TSPAN9: variants seen among roughly 807,000 people sequenced by gnomAD.
TSPAN9 encodes tetraspanin 9.
TSPAN9 carries 16 observed loss-of-function variants against 31.0 expected under a neutral mutation model. The observed-to-expected ratio is 0.52, with a 90% confidence interval of 0.35 to 0.78. The LOEUF (loss-of-function observed/expected upper bound fraction) is 0.78, where lower values mean the gene tolerates loss of function less well. Ranked by LOEUF, TSPAN9 falls within the 30% of genes least tolerant of loss-of-function variation. TSPAN9 has a pLI of 0.01. For synonymous variants in TSPAN9, 145 were observed against 121.6 expected (o/e 1.19, Z -1.27); for missense variants, 272 against 312.5 (o/e 0.87, Z 0.98).
At chr12:3,226,718 A>C (rs865846015) in intron 3 of TSPAN9, among the ~76,000 whole-genome samples, 1 of 15,322 alleles carries the variant, frequency 6.5e-5, no homozygotes, top group Non-Finnish European at 1.2e-4. Context: ...ATGTGTATGT[A>C]TGTGTGTGTG....
At chr12:3,223,755 ACAGGGGCATGAAT>A (rs2098385762) in intron 3 of TSPAN9, among the ~76,000 whole-genome samples, 1 of 152,214 alleles carries the variant, frequency 6.6e-6, no homozygotes, top group African/African-American at 2.4e-5. Flanking sequence ...GTTTTCTAAC[ACAGGGGCATGAAT>A]TCAGCCGTGG....
At chr12:3,262,424 G>T (rs760147182) in intron 3 of TSPAN9, among the ~76,000 whole-genome samples, 31 of 150,574 alleles carry the variant, frequency 2.1e-4, no homozygotes, top group Non-Finnish European at 3.8e-4. Context: ...TGTATTCCTC[G>T]GATCTCATAT....
chr12:3,211,524 C>T (rs2098378700), intron 3 of TSPAN9: 1 of 702,948 alleles, frequency 1.4e-6, no homozygotes. Flanking sequence ...GCCTCTTCCC[C>T]CAAACCCTTT....
intron 3 of TSPAN9, among the ~76,000 whole-genome samples, chr12:3,226,704 G>A (rs1433636420): frequency 1.7e-4 from 5 of 30,000 alleles, no homozygotes; most frequent in East Asian, 6.5e-4. Context: ...GTGTGTGTGT[G>A]TGTATGTGTA....
chr12:3,157,293 G>A lies in TSPAN9; in HGVS notation c.-17-43884G>A, dbSNP rs954685027. Among the ~76,000 whole-genome samples the A allele has an allele frequency of 2.6e-5, 4 of 152,116 alleles. No individual in the cohort carries two copies. In the East Asian group the frequency reaches 5.8e-4, roughly 22 times the overall value. On this transcript the variant is annotated intron_variant, in intron 2 of 8. Coordinates refer to ENST00000011898, the MANE Select transcript of TSPAN9 (RefSeq NM_006675.5). ...TTGTTTTGTATTTTTAGTAGAGACGGGGTTTCACCGTGTTAGCCAGGGTGG... is the reference window on the plus strand; with the variant it reads ...TTGTTTTGTATTTTTAGTAGAGACGAGGTTTCACCGTGTTAGCCAGGGTGG...
chr12:3,217,260 C>G (rs899305522), intron 3 of TSPAN9, among the ~76,000 whole-genome samples: 1 of 152,172 alleles, frequency 6.6e-6, no homozygotes, highest in Admixed American at 6.5e-5. Context: ...GGTGTAGCAT[C>G]CTGGGGTCCC....
chr12:3,186,427 G>A (rs1266121655), intron 2 of TSPAN9, among the ~76,000 whole-genome samples: 2 of 152,120 alleles, frequency 1.3e-5, no homozygotes, highest in African/African-American at 4.8e-5. Flanking sequence ...GAGTGGCAGT[G>A]CTGAGATCTA....
At chr12:3,153,314 A>G (rs1790020957) in intron 2 of TSPAN9, among the ~76,000 whole-genome samples, 1 of 152,240 alleles carries the variant, frequency 6.6e-6, no homozygotes, top group African/African-American at 2.4e-5. Context: ...TCAAAGAAAT[A>G]GGGGTATAAA....
intron 3 of TSPAN9, among the ~76,000 whole-genome samples, chr12:3,275,876 G>A (rs1323111214): frequency 1.3e-5 from 2 of 152,218 alleles, no homozygotes; most frequent in Admixed American, 6.5e-5. Flanking sequence ...AATACGTGGC[G>A]GTGTCTGTTC....
chr12:3,256,469 T>TC (rs1565634294), intron 3 of TSPAN9, among the ~76,000 whole-genome samples: 1 of 151,990 alleles, frequency 6.6e-6, no homozygotes, highest in Non-Finnish European at 1.5e-5. Flanking sequence ...GGTGTCTGGT[T>TC]CCCCCCAGAA....
chr12:3,129,338 G>A (rs12812551), intron 2 of TSPAN9, among the ~76,000 whole-genome samples: 20,718 of 152,194 alleles, frequency 0.14, 1,737 homozygotes, highest in Middle Eastern at 0.22. Context: ...AATGTGACAT[G>A]TGTTTTCCGA....
chr12:3,259,976 T>C (rs1862417738), intron 3 of TSPAN9, among the ~76,000 whole-genome samples: 1 of 152,234 alleles, frequency 6.6e-6, no homozygotes, highest in African/African-American at 2.4e-5. Context: ...GAGGCAGAGC[T>C]GGCAGGCCTC....
intron 3 of TSPAN9, among the ~76,000 whole-genome samples, chr12:3,222,136 C>T (rs2098384890): frequency 6.6e-6 from 1 of 152,212 alleles, no homozygotes; most frequent in African/African-American, 2.4e-5. Context: ...AAAATTCTTC[C>T]AATAAGCATT....
At chr12:3,154,618 T>A (rs1277761183) in intron 2 of TSPAN9, among the ~76,000 whole-genome samples, 1 of 152,236 alleles carries the variant, frequency 6.6e-6, no homozygotes, top group East Asian at 1.9e-4. Context: ...TTCCTCAGCG[T>A]CCTGCTTTCA....
At chr12:3,235,628 G>A (rs780275594) in intron 3 of TSPAN9, among the ~76,000 whole-genome samples, 2 of 152,156 alleles carry the variant, frequency 1.3e-5, no homozygotes, top group African/African-American at 4.8e-5. Context: ...CACTGAGTAG[G>A]TTTGAATTTG....
intron 2 of TSPAN9, among the ~76,000 whole-genome samples, chr12:3,174,832 T>C (rs1468971567): frequency 6.0e-5 from 9 of 151,000 alleles, no homozygotes; most frequent in African/African-American, 1.7e-4. Flanking sequence ...TCCTCCCGCC[T>C]CGGCCTCCCA....
chr12:3,168,292 C>T lies in TSPAN9; in HGVS notation c.-17-32885C>T, dbSNP rs1421971263. On this transcript the variant is annotated intron_variant, in intron 2 of 8. Transcript: ENST00000011898. The surrounding 1 kb of genome is among the most constrained non-coding windows in gnomAD (Gnocchi z 4.0). The stretch of plus-strand genomic sequence containing the variant: ...TTCAAACCTTTTTAGTTGCTAAGGT[C>T]TTCATAAAATCTCCCCTCTAGCGCT... Among the ~76,000 whole-genome samples the T allele has an allele frequency of 6.6e-6, 1 of 152,222 alleles. No homozygotes were observed. Among genetic ancestry groups the T allele is most frequent in the Non-Finnish European group, 1.5e-5 (1 of 68,038 alleles).
intron 3 of TSPAN9, among the ~76,000 whole-genome samples, chr12:3,268,127 TATTCC>T (rs1565639093): frequency 2.0e-5 from 3 of 150,518 alleles, no homozygotes; most frequent in African/African-American, 7.3e-5. Flanking sequence ...TCCCCATGCC[TATTCC>T]GTAGGTGCTG....
Position 3,168,831 on chromosome 12 carries a change from C to T in TSPAN9, c.-17-32346C>T, listed in dbSNP as rs948449311. On this transcript the variant is annotated intron_variant, in intron 2 of 8. Coordinates refer to ENST00000011898, the MANE Select transcript of TSPAN9 (RefSeq NM_006675.5). The surrounding 1 kb of genome is among the most constrained non-coding windows in gnomAD (Gnocchi z 4.0). Reference sequence around the variant, plus strand: ...GTTGAGTAAATGAATGAATCAGATGCGCTGCCTCGATGGCCCCGCCTCCCT... The same window carrying T: ...GTTGAGTAAATGAATGAATCAGATGTGCTGCCTCGATGGCCCCGCCTCCCT... Among the ~76,000 whole-genome samples the T allele has an allele frequency of 2.0e-5, 3 of 152,142 alleles. No homozygotes were observed. Among genetic ancestry groups the T allele is most frequent in the South Asian group, 4.2e-4 (2 of 4,816 alleles).
Sources: gnomAD v4.1 joint callset for allele counts (sites outside exome capture counted in the v4.1 genomes callset) on GRCh38, gnomAD v4.1.1 for gene constraint, Gnocchi (gnomAD v3.1) non-coding constraint, MANE v1.5 for transcripts, NCBI Gene and HGNC (gene_info 2026-07-23, HGNC 2026-07-21) for gene names.